The following ACOX3 variants were observed in gnomAD, a reference collection of about 807,000 sequenced individuals.
The protein encoded by ACOX3 is peroxisomal acyl-coenzyme A oxidase 3.
Under a neutral mutation model 81.5 loss-of-function variants are expected in ACOX3, and 73 were observed. The ratio of observed to expected loss-of-function variants is 0.90; its 90% CI spans 0.74 to 1.09. The LOEUF is 1.09. Ranked by LOEUF, ACOX3 falls within the 50% of genes least tolerant of loss-of-function variation. The pLI is 0.00. For missense variants in ACOX3, 947 were observed against 928.0 expected (o/e 1.02, Z -0.27); for synonymous variants, 387 against 375.1 (o/e 1.03, Z -0.37).
intron 14 of ACOX3, among the ~76,000 whole-genome samples, chr4:8,375,718 C>T (rs1161429460): frequency 6.6e-6 from 1 of 152,256 alleles, no homozygotes; most frequent in Admixed American, 6.5e-5. Flanking sequence ...ATCTTTATGT[C>T]CATGAGTGCC....
At chr4:8,362,874 G>C (rs1463229422), downstream of ACOX3, among the ~76,000 whole-genome samples, 1 of 152,182 alleles carries the variant, frequency 6.6e-6, no homozygotes, top group African/African-American at 2.4e-5. Context: ...AATTTAAAAA[G>C]AGCTTATGTG....
chr4:8,394,321 G>A lies in ACOX3; in HGVS notation c.1179+299C>T, dbSNP rs1719417295. ...TCAGAACCATGAAATCCACTGAGGG[G>A]CGGGTAACGTGGATTTTGCAAAACC... On this transcript the variant is annotated intron_variant, in intron 10 of 17. Transcript: ENST00000356406. The surrounding 1 kb of genome is among the most constrained non-coding windows in gnomAD (Gnocchi z 5.9). Among the ~76,000 whole-genome samples, 1 of 152,194 alleles carries A rather than the reference G, an allele frequency of 6.6e-6. No homozygotes were observed. Among genetic ancestry groups the A allele is most frequent in the Admixed American group, 6.5e-5 (1 of 15,278 alleles).
chr4:8,403,339 C>A (rs1317029596), intron 7 of ACOX3, among the ~76,000 whole-genome samples: 1 of 152,222 alleles, frequency 6.6e-6, no homozygotes, highest in Admixed American at 6.5e-5. Context: ...ACTGGTATCA[C>A]TGCGCCCCCT....
intron 1 of ACOX3, among the ~76,000 whole-genome samples, chr4:8,438,301 G>C (rs1180191072): frequency 6.6e-6 from 1 of 152,186 alleles, no homozygotes; most frequent in African/African-American, 2.4e-5. Context: ...TAACAAGACT[G>C]TTAAAAATAA....
Position 8,432,524 on chromosome 4 carries a change from C to T in ACOX3, c.-15+8124G>A, listed in dbSNP as rs1387116812. Reference sequence around the variant, plus strand: ...CTGGGATTACAGGCGTGAGCCACCGCGCCCGGCCTGATTTTTTTTTTTAAT... The same window carrying T: ...CTGGGATTACAGGCGTGAGCCACCGTGCCCGGCCTGATTTTTTTTTTTAAT... On this transcript the variant is annotated intron_variant, in intron 1 of 17. Transcript: ENST00000356406. This position sits in a 1 kb window ranked among gnomAD's most constrained non-coding sequence, Gnocchi z 6.2. Among the ~76,000 whole-genome samples the T allele has an allele frequency of 2.6e-5, 4 of 152,032 alleles. No individual in the cohort carries two copies. Among genetic ancestry groups the T allele is most frequent in the Non-Finnish European group, 5.9e-5 (4 of 68,014 alleles).
In ACOX3 at chr4:8,428,117, C is replaced by G. The variant is rs146804931; in HGVS notation, c.-14-11582G>C. Among the ~76,000 whole-genome samples, 302 of 152,362 alleles carry G rather than the reference C, an allele frequency of 2.0e-3. 2 individuals carry two copies. The highest frequency in any genetic ancestry group is 6.8e-3 in the African/African-American group (282 of 41,588). The stretch of plus-strand genomic sequence containing the variant: ...TCACTTCCCTTTCGTGAACAGCTGC[C>G]TAGTTCAATGTGTAAAGTCCTCCGA... On this transcript the variant is annotated intron_variant, in intron 1 of 17. Coordinates refer to ENST00000356406, the MANE Select transcript of ACOX3 (RefSeq NM_003501.3).
chr4:8,401,753 T>G (rs957478346), intron 7 of ACOX3, among the ~76,000 whole-genome samples: 3 of 152,120 alleles, frequency 2.0e-5, no homozygotes, highest in African/African-American at 7.2e-5. Flanking sequence ...TCTAACAGCA[T>G]CACCGCCTTG....
intron 1 of ACOX3, among the ~76,000 whole-genome samples, chr4:8,421,673 C>T (rs998361315): frequency 2.4e-4 from 36 of 152,310 alleles, no homozygotes; most frequent in African/African-American, 8.4e-4. Flanking sequence ...GTTGTATCTC[C>T]AAAGGGATCT....
chr4:8,435,932 G>T (rs1051088128), intron 1 of ACOX3, among the ~76,000 whole-genome samples: 1 of 152,126 alleles, frequency 6.6e-6, no homozygotes. Flanking sequence ...CCTTGAAGGG[G>T]AAGATCGGAG....
chr4:8,399,950 G>A lies in ACOX3; in HGVS notation c.777-298C>T, dbSNP rs1720182882. ...CCCTGTTTCTAAAAAAGAAAAAAAT[G>A]TAGGTTAAAAAATAGGCTGGGTGTG... On this transcript the variant is annotated intron_variant, in intron 7 of 17. Transcript: ENST00000356406. This position sits in a 1 kb window ranked among gnomAD's most constrained non-coding sequence, Gnocchi z 4.9. Among the ~76,000 whole-genome samples the A allele has an allele frequency of 6.6e-6, 1 of 152,086 alleles. No individual in the cohort carries two copies. Among genetic ancestry groups the A allele is most frequent in the African/African-American group, 2.4e-5 (1 of 41,416 alleles).
In ACOX3 at chr4:8,387,406, C is replaced by T. The variant is rs80254474; in HGVS notation, c.1537+1767G>A. Among the ~76,000 whole-genome samples, 420 of 152,302 alleles carry T rather than the reference C, an allele frequency of 2.8e-3. 1 individual carries two copies. Among genetic ancestry groups the T allele is most frequent in the African/African-American group, 9.6e-3 (400 of 41,574 alleles). On this transcript the variant is annotated intron_variant, in intron 13 of 17. Transcript: ENST00000356406. Reference sequence around the variant, plus strand: ...CTCAGGAAGGTGGGCTACTCTTCCACGTCTCGGGTGTCACGGGAGCAGTCA... The same window carrying T: ...CTCAGGAAGGTGGGCTACTCTTCCATGTCTCGGGTGTCACGGGAGCAGTCA...
chr4:8,434,066 TAATAAC>T (rs1724092927), intron 1 of ACOX3, among the ~76,000 whole-genome samples: 1 of 152,150 alleles, frequency 6.6e-6, no homozygotes, highest in South Asian at 2.1e-4. Flanking sequence ...ATAATAATAA[TAATAAC>T]ATCAACCCCT....
rs767121825 is a variant in ACOX3, at chr4:8,405,078, G to T, written c.776+877C>A. Among the ~76,000 whole-genome samples, 11 of 152,248 alleles carry T rather than the reference G, an allele frequency of 7.2e-5. No individual in the cohort carries two copies. Among genetic ancestry groups the T allele is most frequent in the Non-Finnish European group, 1.5e-4 (10 of 68,014 alleles). Reference sequence around the variant, plus strand: ...TCTTGTCACCTACTTTACAGATGAGGAAATGCCAAGAAAGCTGGTCAAGGT... The same window carrying T: ...TCTTGTCACCTACTTTACAGATGAGTAAATGCCAAGAAAGCTGGTCAAGGT... On this transcript the variant is annotated intron_variant, in intron 7 of 17. Coordinates refer to ENST00000356406, the MANE Select transcript of ACOX3 (RefSeq NM_003501.3). This position sits in a 1 kb window ranked among gnomAD's most constrained non-coding sequence, Gnocchi z 7.1.
chr4:8,416,381 A>G lies in ACOX3; in HGVS notation c.141T>C (p.Phe47=). 6.2e-6 allele frequency: 10 copies of G among 1,614,192 alleles called. No individual in the cohort carries two copies. Among genetic ancestry groups the G allele is most frequent in the Non-Finnish European group, 8.5e-6 (10 of 1,180,042 alleles). The change falls in exon 2 of 18, where the codon TTT becomes TTC. Residue 47 remains phenylalanine (F), a synonymous_variant. Coordinates refer to ENST00000356406, the MANE Select transcript of ACOX3 (RefSeq NM_003501.3). This position sits in a 1 kb window ranked among gnomAD's most constrained non-coding sequence, Gnocchi z 4.2. ...LFTEGEGMLR[F]KKTIFSALEN... ...TGCGCACAACCGCACGCCTCACCTT[A>G]AAGCGGAGCATGCCCTCCCCTTCCG... is the stretch of plus-strand genomic sequence containing the variant.
Position 8,440,669 on chromosome 4 carries a change from C to A in ACOX3, c.-36G>T, listed in dbSNP as rs1724573406. ...TCACCCACACACTCCACAGTTCAAC[C>A]CCTGCCAGGGAAACCAAAAGCAGGA... On this transcript the variant is annotated 5_prime_UTR_variant, in exon 1 of 18. Coordinates refer to ENST00000356406, the MANE Select transcript of ACOX3 (RefSeq NM_003501.3). The A allele has an allele frequency of 3.1e-6, 3 of 968,826 alleles. No homozygotes were observed. Among genetic ancestry groups the A allele is most frequent in the South Asian group, 4.0e-5 (2 of 49,932 alleles). The allele number at this position is 968,826 out of a possible 1,614,324, so 60.0% of individuals were successfully genotyped here. A position where few individuals can be genotyped will look rare whatever the true frequency, so the allele number is the denominator to read the frequency against.
chr4:8,407,941 A>C lies in ACOX3; in HGVS notation c.688-1898T>G, dbSNP rs1369488873. Reference sequence around the variant, plus strand: ...TGTTAACTGCAGGAAGCTATGGCACAGAATGGCCAGACGCCAGAAGTGCTC... The same window carrying C: ...TGTTAACTGCAGGAAGCTATGGCACCGAATGGCCAGACGCCAGAAGTGCTC... On this transcript the variant is annotated intron_variant, in intron 6 of 17. Transcript: ENST00000356406. The surrounding 1 kb of genome is among the most constrained non-coding windows in gnomAD (Gnocchi z 4.6). Among the ~76,000 whole-genome samples the C allele has an allele frequency of 6.6e-6, 1 of 152,232 alleles. No homozygotes were observed. The highest frequency in any genetic ancestry group is 1.9e-4 in the East Asian group (1 of 5,182).
In ACOX3 at chr4:8,415,829, G is replaced by A; in HGVS notation, c.315C>T (p.Ala105=). The A allele has an allele frequency of 6.2e-7, 1 of 1,614,190 alleles. No individual in the cohort carries two copies. The highest frequency in any genetic ancestry group is 8.5e-7 in the Non-Finnish European group (1 of 1,180,040). Residue 105 remains alanine (A), a synonymous_variant, in exon 3 of 18, where the codon GCC becomes GCT. Coordinates refer to ENST00000356406, the MANE Select transcript of ACOX3 (RefSeq NM_003501.3). ...DMFKSPLKVP[A]LIQCLGMYDS... ...CATACATGCCCAGGCACTGAATCAAGGCGGGGACCTTCAGAGGGCTCTTGA... is the reference window on the plus strand; with the variant it reads ...CATACATGCCCAGGCACTGAATCAAAGCGGGGACCTTCAGAGGGCTCTTGA...
rs1722133981 is a variant in ACOX3, at chr4:8,414,729, C to G, written c.453+125G>C. 2.2e-6 allele frequency: 2 copies of G among 902,730 alleles called. No individual in the cohort carries two copies. Among genetic ancestry groups the G allele is most frequent in the Non-Finnish European group, 3.5e-6 (2 of 564,512 alleles). 55.9% of individuals were successfully genotyped at this position (902,730 alleles called of 1,614,324 possible). A position where few individuals can be genotyped will look rare whatever the true frequency, so the allele number is the denominator to read the frequency against. ...AGCTATTTGGTGAGAAGCCTGAGAA[C>G]ACTAGGAAACAAGAAGAGCATAAGC... On this transcript the variant is annotated intron_variant, in intron 4 of 17. Coordinates refer to ENST00000356406, the MANE Select transcript of ACOX3 (RefSeq NM_003501.3). This position sits in a 1 kb window ranked among gnomAD's most constrained non-coding sequence, Gnocchi z 6.1.
chr4:8,399,749 G>T lies in ACOX3; in HGVS notation c.777-97C>A. ...CCTAAAAGCTGATGCAATCCCCGAG[G>T]ACAAAGAAAATGGCAGAGGGCAAGT... On this transcript the variant is annotated intron_variant, in intron 7 of 17. Coordinates refer to ENST00000356406, the MANE Select transcript of ACOX3 (RefSeq NM_003501.3). This position sits in a 1 kb window ranked among gnomAD's most constrained non-coding sequence, Gnocchi z 4.9. The T allele has an allele frequency of 8.9e-7, 1 of 1,121,842 alleles. No homozygotes were observed. The highest frequency in any genetic ancestry group is 1.4e-5 in the South Asian group (1 of 73,720). 69.5% of individuals were successfully genotyped at this position (1,121,842 alleles called of 1,614,324 possible).
Sources: allele counts gnomAD v4.1 joint callset (sites outside exome capture counted in the v4.1 genomes callset), GRCh38; gene constraint gnomAD v4.1.1; non-coding constraint Gnocchi (gnomAD v3.1); transcripts MANE v1.5; gene names NCBI Gene and HGNC (gene_info 2026-07-23, HGNC 2026-07-21).